Variants in COL15A1 observed in about 807,000 individuals in gnomAD.
COL15A1 encodes collagen alpha-1(XV) chain.
In COL15A1, 111 loss-of-function variants were observed where a neutral mutation model predicts 165.9. The ratio of observed to expected loss-of-function variants is 0.67; its 90% confidence interval spans 0.57 to 0.78. COL15A1 has a LOEUF of 0.78. Ranked by LOEUF, COL15A1 falls within the 30% of genes least tolerant of loss-of-function variation. The pLI, the probability that COL15A1 is intolerant of heterozygous loss-of-function variation, is 0.00. For synonymous variants in COL15A1, 659 were observed against 674.8 expected, an observed-to-expected ratio of 0.98 and a Z score of 0.36; for missense variants, 1,745 against 1,789.7, an observed-to-expected ratio of 0.98 and a Z score of 0.45.
At chr9:98,998,590 C>T (rs954151936) in intron 6 of COL15A1, among the ~76,000 whole-genome samples, 3 of 152,168 alleles carry the variant, frequency 2.0e-5, no homozygotes, top group South Asian at 2.1e-4. Context: ...GAACAATCCC[C>T]GATGCTGGGT....
At position 98,986,158 on chromosome 9, in the gene COL15A1, A is replaced by G. The variant is rs773757306; in HGVS notation, c.648+46A>G. The G allele has an allele frequency of 2.8e-6, 4 of 1,437,542 alleles. No individual in the cohort carries two copies. The African/African-American group carries it at 5.7e-5, about 21-fold the overall frequency. 89.0% of individuals were successfully genotyped at this position (1,437,542 alleles called of 1,614,324 possible). On this transcript the variant is annotated intron_variant, in intron 3 of 41. Coordinates refer to ENST00000375001, the MANE Select transcript of COL15A1 (RefSeq NM_001855.5). ...AGGTAGATCAGGGAGGTGGATGAAC[A>G]GACTCGCCATGCAATAAATGGAGCA...
At chr9:99,009,449 T>A (rs1838813250) in intron 9 of COL15A1, among the ~76,000 whole-genome samples, 1 of 152,258 alleles carries the variant, frequency 6.6e-6, no homozygotes, top group South Asian at 2.1e-4. Flanking sequence ...ACTTCCTGTA[T>A]GATTTTATTA....
chr9:98,982,456 A>G (rs1564026487), intron 2 of COL15A1, among the ~76,000 whole-genome samples: 1 of 152,202 alleles, frequency 6.6e-6, no homozygotes, highest in Admixed American at 6.5e-5. Context: ...CAATAGCCAT[A>G]TGTGGCTACT....
At chr9:98,966,439 A>C (rs1837958919) in intron 2 of COL15A1, among the ~76,000 whole-genome samples, 1 of 152,048 alleles carries the variant, frequency 6.6e-6, no homozygotes, top group Non-Finnish European at 1.5e-5. Flanking sequence ...GTCCCATCCT[A>C]CCTTGCCCCA....
intron 2 of COL15A1, among the ~76,000 whole-genome samples, chr9:98,946,825 G>T (rs1232507976): frequency 2.0e-5 from 3 of 152,224 alleles, no homozygotes; most frequent in Admixed American, 1.3e-4. Flanking sequence ...TTGCCCAAGG[G>T]CATGTAGCCT....
At chr9:99,069,635 G>T (rs761604845) in intron 41 of COL15A1, 38 bp from the exon 42 acceptor site, 2 of 1,585,790 alleles carry the variant, frequency 1.3e-6, no homozygotes, top group Admixed American at 3.5e-5. Flanking sequence ...ACAAAGAAGT[G>T]TCATTTTGAA....
Position 99,035,229 on chromosome 9 carries a change from C to T in COL15A1, c.2220+75C>T. 3 of 1,583,606 alleles carry T rather than the reference C, an allele frequency of 1.9e-6. No homozygotes were observed. In the South Asian group the frequency reaches 3.4e-5, roughly 18 times the overall value. On this transcript the variant is annotated intron_variant, in intron 18 of 41. Coordinates refer to ENST00000375001, the MANE Select transcript of COL15A1 (RefSeq NM_001855.5). ...ACTAGAAAGACCAGCTAGCTAAACC[C>T]TGGTCTCAGGGCAGAGGCTGTGCGG...
intron 2 of COL15A1, among the ~76,000 whole-genome samples, chr9:98,949,618 C>A (rs1435946522): frequency 6.6e-6 from 1 of 152,176 alleles, no homozygotes; most frequent in Non-Finnish European, 1.5e-5. Flanking sequence ...TTCCATTTTC[C>A]TAATTATTAA....
rs754973020 is a variant in COL15A1 at position 99,056,289 on chromosome 9, C to T, written c.3222C>T (p.Pro1074=). The change falls in exon 35 of 42, where the codon CCC becomes CCT. Residue 1074 remains proline, a synonymous_variant. Transcript: ENST00000375001. Reference sequence around the variant, plus strand: ...AAAAAGGGGAGACAGTCGTTGGGCCCCAAGGACCCCCAGGTGCTCCTGGTC... The same window carrying T: ...AAAAAGGGGAGACAGTCGTTGGGCCTCAAGGACCCCCAGGTGCTCCTGGTC... ...AGQKGETVVG[P]QGPPGAPGLP... The T allele has an allele frequency of 4.6e-5, 74 of 1,614,060 alleles. 1 individual carries two copies. In the South Asian group the frequency reaches 8.1e-4, roughly 18 times the overall value.
rs575580002 is a variant in COL15A1, at chr9:98,982,510, T to G, written c.101-3055T>G. 6.6e-5 allele frequency among the ~76,000 whole-genome samples: 10 copies of G among 152,314 alleles called. No individual in the cohort carries two copies. The East Asian group carries it at 1.9e-3, about 29-fold the overall frequency. On this transcript the variant is annotated intron_variant, in intron 2 of 41. Transcript: ENST00000375001. ...GGCAGGGTCTGGTACGATAGAAACT[T>G]AGAGGTCACCAGTTACAACCTGATA...
chr9:99,000,017 T>C (rs560829376), intron 6 of COL15A1, among the ~76,000 whole-genome samples: 1 of 152,198 alleles, frequency 6.6e-6, no homozygotes, highest in East Asian at 1.9e-4. Flanking sequence ...GTTACAGGCA[T>C]GTGGAATCAC....
At position 99,024,948 on chromosome 9, in the gene COL15A1, A is replaced by C; in HGVS notation, c.1929A>C (p.Gly643=). The C allele has an allele frequency of 6.2e-7, 1 of 1,613,654 alleles. No homozygotes were observed. The highest frequency in any genetic ancestry group is 8.5e-7 in the Non-Finnish European group (1 of 1,179,802). Residue 643 remains glycine (G), a synonymous_variant, in exon 15 of 42, where the codon GGA becomes GGC. Coordinates refer to ENST00000375001, the MANE Select transcript of COL15A1 (RefSeq NM_001855.5). ...AACCAGGAACTGATGTTTTCATGGG[A>C]CCCCCTGGATCTCCTGGAGAGGATG... is the stretch of plus-strand genomic sequence containing the variant. ...PGKPGTDVFM[G]PPGSPGEDGP...
At chr9:99,030,160 C>T (rs1839194407) in intron 16 of COL15A1, among the ~76,000 whole-genome samples, 1 of 152,162 alleles carries the variant, frequency 6.6e-6, no homozygotes, top group Non-Finnish European at 1.5e-5. Context: ...AGTAAGCCAA[C>T]ATTTTGAATC....
At chr9:99,069,620 A>T in intron 41 of COL15A1, 53 bp from the exon 42 acceptor site, 2 of 1,576,976 alleles carry the variant, frequency 1.3e-6, no homozygotes, top group Non-Finnish European at 8.6e-7. Flanking sequence ...TTACCAAAAA[A>T]TACCACAAAG....
At chr9:99,010,959 C>G (rs965838425) in intron 9 of COL15A1, among the ~76,000 whole-genome samples, 18 of 151,654 alleles carry the variant, frequency 1.2e-4, no homozygotes, top group African/African-American at 4.1e-4. Context: ...GAAGAAAATA[C>G]TCCTTTTAGA....
At chr9:99,040,876 T>C (rs529217186) in intron 23 of COL15A1, 23 of 309,342 alleles carry the variant, frequency 7.4e-5, no homozygotes, top group Non-Finnish European at 1.2e-4. Flanking sequence ...ACACTAAAAA[T>C]AGTGCTAACT....
chr9:99,063,156 T>A (rs776956004), intron 39 of COL15A1, 47 bp downstream of exon 39: 1 of 1,538,698 alleles, frequency 6.5e-7, no homozygotes, highest in South Asian at 1.3e-5. Context: ...AGTGTATATC[T>A]GCTAAGTGCT....
At chr9:98,989,023 G>GACACACACACACACAC (rs67974914) in intron 4 of COL15A1, among the ~76,000 whole-genome samples, 155 bp from the exon 5 acceptor site, 5 of 144,392 alleles carry the variant, frequency 3.5e-5, no homozygotes, top group Admixed American at 1.4e-4. Flanking sequence ...GTCTCTCATA[G>GACACACACACACACAC]ACACACACAC....
intron 9 of COL15A1, among the ~76,000 whole-genome samples, chr9:99,010,975 AAG>A (rs1838839377): frequency 6.7e-6 from 1 of 149,074 alleles, no homozygotes; most frequent in Admixed American, 6.6e-5. Context: ...TTAGATCTTT[AAG>A]ATAAAACATT....
Sources: allele counts gnomAD v4.1 joint callset (sites outside exome capture counted in the v4.1 genomes callset), GRCh38; gene constraint gnomAD v4.1.1; transcripts MANE v1.5; gene names NCBI Gene and HGNC (gene_info 2026-07-23, HGNC 2026-07-21).